UBXN4: variants seen among roughly 807,000 people sequenced by gnomAD.
The protein encoded by UBXN4 is UBX domain-containing protein 4.
In UBXN4, 35 loss-of-function variants were observed where a neutral mutation model predicts 66.2. The observed-to-expected ratio is 0.53, with a 90% CI of 0.40 to 0.70. The LOEUF is 0.70. Among genes scored for constraint, UBXN4 ranks in the 30% least tolerant of loss-of-function variants. UBXN4 has a pLI of 0.00. For missense variants in UBXN4, 533 were observed against 599.8 expected (o/e 0.89, Z 1.16); for synonymous variants, 203 against 204.5 (o/e 0.99, Z 0.06).
At chr2:135,755,486 T>C in intron 4 of UBXN4, 31 bp from the exon 5 acceptor site, 2 of 1,497,826 alleles carry the variant, frequency 1.3e-6, no homozygotes, top group East Asian at 2.5e-5. Flanking sequence ...TTCTTATCTA[T>C]TAATTAAAAT....
At chr2:135,772,345 T>C in intron 8 of UBXN4, 75 bp from the exon 9 acceptor site, 1 of 1,536,476 alleles carries the variant, frequency 6.5e-7, no homozygotes, top group Non-Finnish European at 8.8e-7. Flanking sequence ...AAAAATTCCA[T>C]GCATATTTGT....
chr2:135,774,056 C>T (rs1477270374), intron 9 of UBXN4, among the ~76,000 whole-genome samples: 1 of 152,100 alleles, frequency 6.6e-6, no homozygotes, highest in Non-Finnish European at 1.5e-5. Flanking sequence ...ATGCAAGAAA[C>T]ACAATAGTTA....
rs757715263 is a variant in UBXN4 at position 135,779,056 on chromosome 2, A to G, written c.1162A>G (p.Ser388Gly). The change falls in exon 11 of 13, where the codon AGC becomes GGC. Residue 388 changes from serine to glycine, a missense_variant. Coordinates refer to ENST00000272638, the MANE Select transcript of UBXN4 (RefSeq NM_014607.4). The stretch of plus-strand genomic sequence containing the variant: ...GTTACTGGATTTGGAACTTGCCCCA[A>G]GCGCTTCGGTGGTACTGTTGCCAGT... ...KKLLDLELAP[S>G]ASVVLLPAGR... The G allele has an allele frequency of 6.8e-6, 11 of 1,613,440 alleles. No homozygotes were observed. In the Admixed American group the frequency reaches 1.5e-4, roughly 22 times the overall value.
At chr2:135,774,697 T>G (rs1306732308) in intron 9 of UBXN4, among the ~76,000 whole-genome samples, 5 of 151,820 alleles carry the variant, frequency 3.3e-5, no homozygotes, top group Admixed American at 1.3e-4. Context: ...ATACAAAAAT[T>G]AACTAGGCAT....
intron 5 of UBXN4, among the ~76,000 whole-genome samples, chr2:135,757,341 A>G (rs1056510310): frequency 6.6e-6 from 1 of 152,144 alleles, no homozygotes; most frequent in Non-Finnish European, 1.5e-5. Context: ...TAGGATTTCT[A>G]TTTCTTTCTC....
chr2:135,753,550 T>C lies in UBXN4; in HGVS notation c.197T>C (p.Leu66Pro). ...ATTTTGTTTTACAGTGAAGCCTGCC[T>C]ACAGTTTTCACAAATCTGTATCCTT... ...IKIDTKSEAC[L>P]QFSQIYPVVC... Residue 66 changes from leucine to proline, a missense_variant, in exon 3 of 13, where the codon CTA becomes CCA. This residue lies in a region of UBXN4 where 529 missense variants were observed against 580.1 expected (regional missense o/e 0.91). Coordinates refer to ENST00000272638, the MANE Select transcript of UBXN4 (RefSeq NM_014607.4). 2.6e-6 allele frequency: 4 copies of C among 1,530,008 alleles called. No individual in the cohort carries two copies. Among genetic ancestry groups the C allele is most frequent in the African/African-American group, 1.4e-5 (1 of 69,640 alleles). 94.8% of individuals were successfully genotyped at this position (1,530,008 alleles called of 1,614,324 possible). A position where few individuals can be genotyped will look rare whatever the true frequency, so the allele number is the denominator to read the frequency against.
Position 135,782,761 on chromosome 2 carries a change from A to G in UBXN4, c.1401A>G (p.Arg467=), listed in dbSNP as rs1453490646. The change falls in exon 13 of 13, where the codon AGA becomes AGG. Residue 467 remains arginine, a synonymous_variant. Transcript: ENST00000272638. ...SSKSEKREPV[R]KRVLEKRGDD... ...TTTTTCGTATCAGGGAACCAGTGAGAAAAAGAGTGCTGGAAAAACGTGGAG... is the reference window on the plus strand; with the variant it reads ...TTTTTCGTATCAGGGAACCAGTGAGGAAAAGAGTGCTGGAAAAACGTGGAG... The G allele has an allele frequency of 5.0e-6, 8 of 1,613,402 alleles. No homozygotes were observed. Among genetic ancestry groups the G allele is most frequent in the East Asian group, 2.2e-5 (1 of 44,868 alleles).
At chr2:135,766,177 C>T (rs1049319587) in intron 6 of UBXN4, among the ~76,000 whole-genome samples, 1 of 151,512 alleles carries the variant, frequency 6.6e-6, no homozygotes, top group Non-Finnish European at 1.5e-5. Context: ...AGTCGAAGCC[C>T]AAATGTAGAA....
In UBXN4 at chr2:135,754,176, C is replaced by T; in HGVS notation, c.232C>T (p.Pro78Ser). The change falls in exon 4 of 13, where the codon CCA (proline) becomes TCA (serine). Residue 78 changes from proline (P) to serine (S), a missense_variant. Physicochemically the swap from Pro to Ser is moderately conservative, Grantham distance 74. This residue lies in a region of UBXN4 where 529 missense variants were observed against 580.1 expected (regional missense o/e 0.91). Transcript: ENST00000272638. ...CTGTACAGATCCTGTAGTGTGTGTTCCATCCAGTTTCTTTATTGGAGACAG... is the reference window on the plus strand; with the variant it reads ...CTGTACAGATCCTGTAGTGTGTGTTTCATCCAGTTTCTTTATTGGAGACAG... Reference protein sequence around the residue: ...FSQIYPVVCVPSSFFIGDSGI... With the variant: ...FSQIYPVVCVSSSFFIGDSGI... The T allele has an allele frequency of 1.2e-6, 2 of 1,613,544 alleles. No homozygotes were observed. Among genetic ancestry groups the T allele is most frequent in the Non-Finnish European group, 1.7e-6 (2 of 1,179,532 alleles).
In UBXN4 at chr2:135,779,096, GC is replaced by G. The variant is rs753552969; in HGVS notation, c.1185+18del. 6 of 1,554,172 alleles carry G rather than the reference GC, an allele frequency of 3.9e-6. No homozygotes were observed. The highest frequency in any genetic ancestry group is 5.2e-6 in the Non-Finnish European group (6 of 1,153,812). On this transcript the variant is annotated intron_variant, in intron 11 of 12. Transcript: ENST00000272638. ...CTGTTGCCAGTATGTATATACAGAT[GC>G]ATTTTTTTCTCTTCTTATTGTTTTC...
In UBXN4 at chr2:135,769,726, T is replaced by A; in HGVS notation, c.603-43T>A. Reference sequence around the variant, plus strand: ...CTCCTAAATGTGTTTTATATTAATATGATGTGTCTCAATTAGTGGTGGTTT... The same window carrying A: ...CTCCTAAATGTGTTTTATATTAATAAGATGTGTCTCAATTAGTGGTGGTTT... On this transcript the variant is annotated intron_variant, in intron 6 of 12. Transcript: ENST00000272638. 4 of 1,393,706 alleles carry A rather than the reference T, an allele frequency of 2.9e-6. No homozygotes were observed. In the South Asian group the frequency reaches 5.3e-5, roughly 18 times the overall value. 86.3% of individuals were successfully genotyped at this position (1,393,706 alleles called of 1,614,324 possible). A position where few individuals can be genotyped will look rare whatever the true frequency, so the allele number is the denominator to read the frequency against.
intron 9 of UBXN4, among the ~76,000 whole-genome samples, chr2:135,775,596 G>A (rs944957562): frequency 2.6e-5 from 4 of 152,186 alleles, no homozygotes; most frequent in Non-Finnish European, 5.9e-5. Flanking sequence ...AATCCGTAGA[G>A]ATAGTAGATT....
intron 11 of UBXN4, among the ~76,000 whole-genome samples, chr2:135,779,897 AATATAAT>A (rs2077439346): frequency 7.2e-6 from 1 of 138,512 alleles, no homozygotes; most frequent in South Asian, 2.4e-4. Context: ...TATTATATAA[AATATAAT>A]ATATATAATA....
chr2:135,754,230 A>G lies in UBXN4; in HGVS notation c.286A>G (p.Ser96Gly). The G allele has an allele frequency of 6.2e-7, 1 of 1,614,168 alleles. No individual in the cohort carries two copies. The highest frequency in any genetic ancestry group is 1.1e-5 in the South Asian group (1 of 91,082). The change falls in exon 4 of 13, where the codon AGT becomes GGT. Residue 96 changes from serine (S) to glycine (G), a missense_variant. This residue lies in a region of UBXN4 where 529 missense variants were observed against 580.1 expected (regional missense o/e 0.91). Coordinates refer to ENST00000272638, the MANE Select transcript of UBXN4 (RefSeq NM_014607.4). ...SGIPLEVIAG[S>G]VSADELVTRI... ...AATTCCCTTGGAAGTAATAGCAGGA[A>G]GTGTTTCTGCAGATGAACTTGTTAC...
intron 4 of UBXN4, among the ~76,000 whole-genome samples, chr2:135,754,937 C>T (rs941546950): frequency 1.3e-5 from 2 of 152,062 alleles, no homozygotes; most frequent in Non-Finnish European, 2.9e-5. Flanking sequence ...GCGCATGCCA[C>T]CATGCCCAGC....
rs1256930053 is a variant in UBXN4, at chr2:135,782,831, G to A, written c.1471G>A (p.Asp491Asn). The change falls in exon 13 of 13, where the codon GAT (aspartate) becomes AAT (asparagine). Residue 491 changes from aspartate to asparagine, a missense_variant. Physicochemically the swap from Asp to Asn is conservative, Grantham distance 23. Transcript: ENST00000272638. Reference protein sequence around the residue: ...EGKIYRLRTQDDGEDENNTWN... With the variant: ...EGKIYRLRTQNDGEDENNTWN... ...GAAAATTTATAGATTAAGGACTCAAGATGATGGTGAAGATGAAAACAACAC... is the reference window on the plus strand; with the variant it reads ...GAAAATTTATAGATTAAGGACTCAAAATGATGGTGAAGATGAAAACAACAC... 33 of 1,613,994 alleles carry A rather than the reference G, an allele frequency of 2.0e-5. No homozygotes were observed. The highest frequency in any genetic ancestry group is 2.7e-5 in the Non-Finnish European group (32 of 1,179,930).
At chr2:135,751,180 C>CT (rs1292682952) in intron 2 of UBXN4, among the ~76,000 whole-genome samples, 5 of 145,236 alleles carry the variant, frequency 3.4e-5, no homozygotes, top group East Asian at 2.1e-4. Flanking sequence ...AAATAAATTA[C>CT]TTTTTTTTAT....
At chr2:135,750,484 CA>C (rs1227675305) in intron 2 of UBXN4, among the ~76,000 whole-genome samples, 1 of 151,470 alleles carries the variant, frequency 6.6e-6, no homozygotes, top group Admixed American at 6.6e-5. Context: ...CCAGCCTGGG[CA>C]ACAGAGCAAG....
chr2:135,760,421 A>G (rs886355460), intron 5 of UBXN4, among the ~76,000 whole-genome samples: 10 of 152,026 alleles, frequency 6.6e-5, no homozygotes, highest in African/African-American at 2.4e-4. Flanking sequence ...ACAAAGCTAG[A>G]CCATGTCTCA....
Sources: gnomAD v4.1 joint callset for allele counts (sites outside exome capture counted in the v4.1 genomes callset) on GRCh38, gnomAD v4.1.1 for gene constraint, gnomAD v4.1.1 regional missense constraint, MANE v1.5 for transcripts, NCBI Gene and HGNC (gene_info 2026-07-23, HGNC 2026-07-21) for gene names.